The following TET2 variants were observed in gnomAD, a reference collection of about 807,000 sequenced individuals.
TET2 encodes the protein methylcytosine dioxygenase TET2.
TET2 carries 299 observed loss-of-function variants against 142.9 expected under a neutral mutation model. That is an observed-to-expected ratio of 2.09 (90% CI 1.90 to 2.30). The LOEUF (loss-of-function observed/expected upper bound fraction) is 2.30. Ranked by LOEUF, TET2 falls within the 30% of genes most tolerant of loss-of-function variation. The pLI is 0.00. For missense variants in TET2, 2,418 were observed against 2,378.0 expected, an observed-to-expected ratio of 1.02 and a Z score of -0.35; for synonymous variants, 819 against 849.0, an observed-to-expected ratio of 0.96 and a Z score of 0.61.
intron 2 of TET2, among the ~76,000 whole-genome samples, chr4:105,214,404 T>G (rs1727358101): frequency 6.8e-6 from 1 of 147,306 alleles, no homozygotes; most frequent in Admixed American, 6.9e-5. Context: ...CCTCCTAGGT[T>G]CAAGCAATCC....
intron 2 of TET2, among the ~76,000 whole-genome samples, chr4:105,213,328 A>G (rs890709896): frequency 1.3e-5 from 2 of 152,336 alleles, no homozygotes; most frequent in East Asian, 3.9e-4. Context: ...AGCTTTTCAA[A>G]TATGCAGAAG....
At chr4:105,185,686 G>A (rs1208285223) in intron 1 of TET2, among the ~76,000 whole-genome samples, 1 of 152,182 alleles carries the variant, frequency 6.6e-6, no homozygotes, top group African/African-American at 2.4e-5. Context: ...GGCTGAGGCA[G>A]GAGAATGGCG....
At position 105,236,064 on chromosome 4, in the gene TET2, T is replaced by G. The variant is rs1489225564; in HGVS notation, c.2122T>G (p.Ser708Ala). Residue 708 changes from serine (S) to alanine (A), a missense_variant, in exon 3 of 11, where the codon TCA becomes GCA. Ser to Ala is a moderately conservative substitution (Grantham distance 99, BLOSUM62 1). Coordinates refer to ENST00000380013, the MANE Select transcript of TET2 (RefSeq NM_001127208.3). ...GAAACAGCACTTGAATCAACAGGCT[T>G]CAGAGACTGAGCCATTTTCAAACTC... ...VLKQHLNQQA[S>A]ETEPFSNSHL... The G allele has an allele frequency of 6.2e-7, 1 of 1,614,126 alleles. No individual in the cohort carries two copies. The highest frequency in any genetic ancestry group is 1.7e-5 in the Admixed American group (1 of 59,998).
rs1362223142 is a variant in TET2, at chr4:105,243,734, G to GA, written c.3762dup (p.Tyr1255IlefsTer13). On this transcript the variant is annotated frameshift_variant, in exon 6 of 11. Transcript: ENST00000380013. LOFTEE classifies it high-confidence loss of function. Reference sequence around the variant, plus strand: ...ACTCGGAGCTTACCGAGACGCTGAGGAAATACGGCACGCTCACCAATCGCC... The same window carrying GA: ...ACTCGGAGCTTACCGAGACGCTGAGGAAAATACGGCACGCTCACCAATCGCC... 1 of 1,551,348 alleles carries GA rather than the reference G, an allele frequency of 6.4e-7. No homozygotes were observed. Among genetic ancestry groups the GA allele is most frequent in the Non-Finnish European group, 8.7e-7 (1 of 1,146,908 alleles).
At position 105,236,574 on chromosome 4, in the gene TET2, C is replaced by G. The variant is rs1007585037; in HGVS notation, c.2632C>G (p.Leu878Val). ...AAATAATGTGATCCCAAAGCAAGATCTTCTTCACAGGTGCTTTCAAGAACA... is the reference window on the plus strand; with the variant it reads ...AAATAATGTGATCCCAAAGCAAGATGTTCTTCACAGGTGCTTTCAAGAACA... ...FPNNVIPKQD[L>V]LHRCFQEQEQ... The change falls in exon 3 of 11, where the codon CTT (leucine) becomes GTT (valine). Residue 878 changes from leucine to valine, a missense_variant. By Grantham distance (32) the Leu-to-Val change is conservative. Coordinates refer to ENST00000380013, the MANE Select transcript of TET2 (RefSeq NM_001127208.3). The G allele has an allele frequency of 6.2e-7, 1 of 1,614,084 alleles. No individual in the cohort carries two copies. Among genetic ancestry groups the G allele is most frequent in the Admixed American group, 1.7e-5 (1 of 59,986 alleles).
chr4:105,146,729 C>A (rs1723035748), upstream of TET2: 1 of 151,926 alleles, frequency 6.6e-6, no homozygotes. Context: ...GCCGCCTCCT[C>A]GCGAGCGCCG....
chr4:105,256,148 AAT>A (rs1483313024), intron 6 of TET2, among the ~76,000 whole-genome samples: 11 of 152,156 alleles, frequency 7.2e-5, no homozygotes, highest in African/African-American at 2.7e-4. Flanking sequence ...ATATGAGAAA[AAT>A]AGTTACAAAA....
intron 3 of TET2, chr4:105,239,657 C>A: frequency 4.2e-6 from 1 of 237,520 alleles, no homozygotes. Context: ...ACCACTAAAG[C>A]GCTCTCCATA....
intron 2 of TET2, among the ~76,000 whole-genome samples, chr4:105,209,152 C>T (rs1727014870): frequency 1.5e-5 from 2 of 133,082 alleles, no homozygotes; most frequent in African/African-American, 2.6e-5. Context: ...TAAATGTCTG[C>T]GTGAAAATTT....
chr4:105,200,033 A>T (rs564130227), intron 2 of TET2, among the ~76,000 whole-genome samples: 14 of 151,458 alleles, frequency 9.2e-5, no homozygotes, highest in Admixed American at 5.9e-4. Flanking sequence ...TAATAGAATA[A>T]TTTTTTTTTC....
chr4:105,243,976 C>T (rs1729453644), intron 6 of TET2, among the ~76,000 whole-genome samples, 198 bp downstream of exon 6: 2 of 152,206 alleles, frequency 1.3e-5, no homozygotes, highest in African/African-American at 4.8e-5. Context: ...CTGAATTGTA[C>T]AGTTTAGCCA....
intron 1 of TET2, among the ~76,000 whole-genome samples, chr4:105,149,673 T>G (rs1365548732): frequency 2.0e-5 from 3 of 152,258 alleles, no homozygotes; most frequent in African/African-American, 7.2e-5. Flanking sequence ...TATTTTCTTA[T>G]TGAACTAATC....
At chr4:105,217,492 G>GT (rs1578638996) in intron 2 of TET2, among the ~76,000 whole-genome samples, 1 of 151,880 alleles carries the variant, frequency 6.6e-6, no homozygotes, top group East Asian at 1.9e-4. Flanking sequence ...CTGAATTAGG[G>GT]TTTTCCAAAG....
rs1485937043 is a variant in TET2, at chr4:105,235,910, C to G, written c.1968C>G (p.Pro656=). The G allele has an allele frequency of 5.0e-6, 8 of 1,613,994 alleles. No individual in the cohort carries two copies. The highest frequency in any genetic ancestry group is 1.3e-5 in the African/African-American group (1 of 74,934). Residue 656 remains proline, a synonymous_variant, in exon 3 of 11, where the codon CCC becomes CCG. Coordinates refer to ENST00000380013, the MANE Select transcript of TET2 (RefSeq NM_001127208.3). ...ACCAACATCTCCAGTTCCAAAAACC[C>G]TCACACCAGGTGCACTTCTCCAAAA... ...TVDQHLQFQK[P]SHQVHFSKTD... is the part of the protein sequence containing the mutation.
intron 2 of TET2, 103 bp from the exon 3 acceptor site, chr4:105,233,794 A>G (rs973885039): frequency 9.3e-6 from 6 of 644,412 alleles, no homozygotes; most frequent in Non-Finnish European, 1.5e-5. Context: ...GTATTCCGAT[A>G]TTTATCCACA....
intron 1 of TET2, among the ~76,000 whole-genome samples, chr4:105,148,724 A>C (rs939201945): frequency 6.6e-6 from 1 of 152,236 alleles, no homozygotes; most frequent in Non-Finnish European, 1.5e-5. Flanking sequence ...TTTAAACACA[A>C]TAAATATTGA....
intron 1 of TET2, among the ~76,000 whole-genome samples, chr4:105,166,005 A>T (rs1724131590): frequency 6.6e-6 from 1 of 152,110 alleles, no homozygotes; most frequent in African/African-American, 2.4e-5. Context: ...CCTGTATTCC[A>T]TATCATTACT....
intron 2 of TET2, among the ~76,000 whole-genome samples, chr4:105,231,503 G>C (rs1728502327): frequency 6.6e-6 from 1 of 152,016 alleles, no homozygotes; most frequent in Non-Finnish European, 1.5e-5. Flanking sequence ...TATAAATCAA[G>C]GCTATAAATT....
At chr4:105,171,122 TG>T (rs1724442560) in intron 1 of TET2, among the ~76,000 whole-genome samples, 1 of 152,220 alleles carries the variant, frequency 6.6e-6, no homozygotes, top group African/African-American at 2.4e-5. Flanking sequence ...CTGTTATTGC[TG>T]GCTCAAAATC....
Sources: gnomAD v4.1 joint callset for allele counts (sites outside exome capture counted in the v4.1 genomes callset) on GRCh38, gnomAD v4.1.1 for gene constraint, MANE v1.5 for transcripts, NCBI Gene and HGNC (gene_info 2026-07-23, HGNC 2026-07-21) for gene names.